LRRD1: variants seen among roughly 807,000 people sequenced by gnomAD.
LRRD1 encodes the protein leucine-rich repeat and death domain-containing protein 1.
Under a neutral mutation model 69.5 loss-of-function variants are expected in LRRD1, and 49 were observed. The ratio of observed to expected loss-of-function variants is 0.70; its 90% CI spans 0.56 to 0.89. The LOEUF is 0.89. Ranked by LOEUF, LRRD1 falls within the 40% of genes least tolerant of loss-of-function variation. The pLI, the probability that LRRD1 is intolerant of heterozygous loss-of-function variation, is 0.00. For synonymous variants in LRRD1, 303 were observed against 338.9 expected (o/e 0.89, Z 1.16); for missense variants, 853 against 956.0 (o/e 0.89, Z 1.42).
chr7:92,166,078 A>G (rs951425523), intron 1 of LRRD1, among the ~76,000 whole-genome samples: 1 of 152,160 alleles, frequency 6.6e-6, no homozygotes, highest in Non-Finnish European at 1.5e-5. Flanking sequence ...CTAGACATCA[A>G]ATAGTCCTTG....
chr7:92,151,816 G>T (rs888405301), intron 3 of LRRD1, among the ~76,000 whole-genome samples: 14 of 151,972 alleles, frequency 9.2e-5, no homozygotes, highest in African/African-American at 3.4e-4. Flanking sequence ...GGGCATGGTG[G>T]TGGGCACCTG....
Position 92,165,006 on chromosome 7 carries a change from T to C in LRRD1, c.197A>G (p.Glu66Gly), listed in dbSNP as rs1270336336. ...YETHPRQNTL[E>G]STSSSGRKSK... is the part of the protein sequence containing the mutation. ...CTTCCTTCCAGAGGAAGATGTTGAC[T>C]CTAATGTATTCTGTCTAGGATGTGT... The change falls in exon 2 of 6, where the codon GAG becomes GGG. Residue 66 changes from glutamate to glycine, a missense_variant. This residue lies in a region of LRRD1 where 99 missense variants were observed against 107.0 expected (regional missense o/e 0.92). Coordinates refer to ENST00000458448, the MANE Select transcript of LRRD1 (RefSeq NM_001161528.2). The C allele has an allele frequency of 1.3e-6, 2 of 1,551,336 alleles. No individual in the cohort carries two copies. Among genetic ancestry groups the C allele is most frequent in the Non-Finnish European group, 1.7e-6 (2 of 1,146,860 alleles).
chr7:92,167,949 A>G (rs901399146), intron 1 of LRRD1, among the ~76,000 whole-genome samples: 1 of 150,898 alleles, frequency 6.6e-6, no homozygotes, highest in African/African-American at 2.4e-5. Context: ...AATGCTTGAT[A>G]AGATTTGATT....
chr7:92,157,651 C>A (rs368358942), intron 3 of LRRD1, among the ~76,000 whole-genome samples: 47 of 152,074 alleles, frequency 3.1e-4, no homozygotes, highest in African/African-American at 1.0e-3. Context: ...CTCATTGCAA[C>A]CCCCGCCTCC....
intron 1 of LRRD1, among the ~76,000 whole-genome samples, chr7:92,174,503 ATATATATTTTTTT>A (rs1789138573): frequency 9.9e-5 from 2 of 20,118 alleles, no homozygotes; most frequent in Admixed American, 5.6e-4. Context: ...ATATATATAT[ATATATATTTTTTT>A]TTTTTTTTTT....
At chr7:92,169,931 G>A (rs530836606) in intron 1 of LRRD1, among the ~76,000 whole-genome samples, 108 of 152,070 alleles carry the variant, frequency 7.1e-4, no homozygotes, top group African/African-American at 2.2e-3. Context: ...TTAGCCAGGC[G>A]TGGTGATGTG....
chr7:92,163,203 G>T, intron 2 of LRRD1, 83 bp downstream of exon 2: 3 of 870,146 alleles, frequency 3.4e-6, no homozygotes, highest in Non-Finnish European at 4.8e-6. Flanking sequence ...CACACATACG[G>T]TACCCACAGA....
At chr7:92,172,695 G>C (rs531958172) in intron 1 of LRRD1, among the ~76,000 whole-genome samples, 3 of 152,016 alleles carry the variant, frequency 2.0e-5, no homozygotes, top group African/African-American at 7.2e-5. Context: ...TGAAGAGGAC[G>C]CAAAAAATGG....
intron 4 of LRRD1, 48 bp from the exon 5 acceptor site, chr7:92,146,248 C>G (rs1168099513): frequency 3.2e-6 from 3 of 925,882 alleles, no homozygotes; most frequent in Non-Finnish European, 4.8e-6. Context: ...AAAAGATAAT[C>G]TATTTTGAGT....
chr7:92,174,503 A>G (rs1219813917), intron 1 of LRRD1, among the ~76,000 whole-genome samples: 635 of 20,088 alleles, frequency 0.032, 11 homozygotes, highest in East Asian at 0.099. Context: ...ATATATATAT[A>G]TATATATTTT....
chr7:92,168,474 T>C (rs940123539), intron 1 of LRRD1, among the ~76,000 whole-genome samples: 4 of 152,178 alleles, frequency 2.6e-5, no homozygotes, highest in African/African-American at 7.2e-5. Context: ...AGCAGCACCA[T>C]GCTGTAGGAG....
At chr7:92,158,719 G>C (rs1788729254) in intron 3 of LRRD1, among the ~76,000 whole-genome samples, 1 of 152,072 alleles carries the variant, frequency 6.6e-6, no homozygotes, top group South Asian at 2.1e-4. Flanking sequence ...TAGAGGAAGA[G>C]GTGAGGTTGG....
rs1177232292 is a variant in LRRD1, at chr7:92,164,701, A to G, written c.502T>C (p.Tyr168His). 6.4e-6 allele frequency: 10 copies of G among 1,550,418 alleles called. No homozygotes were observed. The highest frequency in any genetic ancestry group is 6.1e-6 in the Non-Finnish European group (7 of 1,146,354). Residue 168 changes from tyrosine to histidine, a missense_variant, in exon 2 of 6, where the codon TAT (tyrosine) becomes CAT (histidine). Physicochemically the swap from Tyr to His is moderately conservative, Grantham distance 83. Coordinates refer to ENST00000458448, the MANE Select transcript of LRRD1 (RefSeq NM_001161528.2). ...ATTTGATTCTTGTCTAAATATAGAT[A>G]TTTTACATATTTGATTTTTAAAATG... ...KDILKIKYVK[Y>H]LYLDKNQIKT... is the part of the protein sequence containing the mutation.
intron 3 of LRRD1, among the ~76,000 whole-genome samples, chr7:92,151,479 C>T (rs982816759): frequency 3.3e-5 from 5 of 152,156 alleles, no homozygotes; most frequent in Non-Finnish European, 7.3e-5. Context: ...AATTTTATCG[C>T]TTGGATAACA....
intron 5 of LRRD1, 26 bp from the exon 6 acceptor site, chr7:92,145,100 A>G: frequency 2.7e-6 from 3 of 1,129,594 alleles, no homozygotes; most frequent in South Asian, 5.9e-5. Flanking sequence ...AATAATATTA[A>G]TAGTTAAATA....
At chr7:92,154,240 T>A (rs1788596703) in intron 3 of LRRD1, among the ~76,000 whole-genome samples, 1 of 151,732 alleles carries the variant, frequency 6.6e-6, no homozygotes, top group East Asian at 2.0e-4. Flanking sequence ...AGTTTTGATT[T>A]TTTTCACCTT....
chr7:92,173,248 G>T (rs1789095496), intron 1 of LRRD1, among the ~76,000 whole-genome samples: 1 of 152,184 alleles, frequency 6.6e-6, no homozygotes, highest in Non-Finnish European at 1.5e-5. Context: ...ACTACTAGAA[G>T]AAAACATTGG....
intron 1 of LRRD1, among the ~76,000 whole-genome samples, chr7:92,172,135 A>G (rs1395824918): frequency 1.3e-5 from 2 of 152,210 alleles, no homozygotes; most frequent in Non-Finnish European, 2.9e-5. Flanking sequence ...AAAAAAAAGA[A>G]AAAACAAACA....
At chr7:92,150,508 T>C (rs1215736719) in intron 4 of LRRD1, 26 bp downstream of exon 4, 1 of 1,463,600 alleles carries the variant, frequency 6.8e-7, no homozygotes, top group East Asian at 2.6e-5. Context: ...AATGACTTGT[T>C]AGATAGTCAA....
Sources: allele counts gnomAD v4.1 joint callset (sites outside exome capture counted in the v4.1 genomes callset), GRCh38; gene constraint gnomAD v4.1.1; regional missense constraint gnomAD v4.1.1; transcripts MANE v1.5; gene names NCBI Gene and HGNC (gene_info 2026-07-23, HGNC 2026-07-21).